PRDM16: variants seen among roughly 807,000 people sequenced by gnomAD.
PRDM16 encodes the protein PR/SET domain 16.
PRDM16 carries 23 observed loss-of-function variants against 110.6 expected under a neutral mutation model. That is an observed-to-expected ratio of 0.21 (90% CI 0.15 to 0.29). PRDM16 has a LOEUF of 0.29. Among genes scored for constraint, PRDM16 ranks in the 10% least tolerant of loss-of-function variants. PRDM16 has a pLI of 1.00. For missense variants in PRDM16, 1,615 were observed against 1,794.3 expected (o/e 0.90, Z 1.81); for synonymous variants, 799 against 781.8 (o/e 1.02, Z -0.37).
intron 3 of PRDM16, among the ~76,000 whole-genome samples, chr1:3,284,211 C>CCGA (rs1640797551): frequency 1.3e-5 from 2 of 152,208 alleles, no homozygotes; most frequent in South Asian, 4.1e-4. Context: ...CAAAGGCAAA[C>CCGA]CGACATTAAG....
intron 4 of PRDM16, 61 bp downstream of exon 4, chr1:3,385,347 C>T: frequency 1.3e-6 from 2 of 1,583,940 alleles, no homozygotes; most frequent in East Asian, 2.2e-5. Context: ...GGATGTGGCA[C>T]CAAGATTGGT....
rs1364509808 is a variant in PRDM16, at chr1:3,422,291, GCAGGCAGACAGA to G, written c.2940-3275_2940-3264del. 3.4e-4 allele frequency among the ~76,000 whole-genome samples: 51 copies of G among 149,694 alleles called. 1 individual carries two copies. Among genetic ancestry groups the G allele is most frequent in the Admixed American group, 2.4e-3 (37 of 15,106 alleles). ...GGTGGACAGACAGATGGACAGACAG[GCAGGCAGACAGA>G]CAGGCAGACAGACAAGCAGATGGAC... is the stretch of plus-strand genomic sequence containing the variant. On this transcript the variant is annotated intron_variant, in intron 12 of 16. Transcript: ENST00000270722.
In PRDM16 at chr1:3,434,468, T is replaced by A. The variant is rs1638855585; in HGVS notation, c.*657T>A. ...CTGTAGATAATGGAGAAATTTTCTA[T>A]CTCTGTCCCTATTTGTATAAGCCAA... On this transcript the variant is annotated 3_prime_UTR_variant, in exon 17 of 17. Coordinates refer to ENST00000270722, the MANE Select transcript of PRDM16 (RefSeq NM_022114.4). 1 of 231,642 alleles carries A rather than the reference T, an allele frequency of 4.3e-6. No individual in the cohort carries two copies. Among genetic ancestry groups the A allele is most frequent in the Admixed American group, 5.6e-5 (1 of 17,728 alleles). 14.3% of individuals were successfully genotyped at this position (231,642 alleles called of 1,614,324 possible). A position where few individuals can be genotyped will look rare whatever the true frequency, so the allele number is the denominator to read the frequency against.
intron 2 of PRDM16, among the ~76,000 whole-genome samples, chr1:3,227,553 G>A (rs1321927429): frequency 1.3e-5 from 2 of 152,234 alleles, no homozygotes; most frequent in African/African-American, 4.8e-5. Context: ...CAGCTGCGGC[G>A]GGGCTCTGCC....
intron 12 of PRDM16, among the ~76,000 whole-genome samples, chr1:3,421,363 G>A (rs1190870841): frequency 6.6e-6 from 1 of 152,148 alleles, no homozygotes; most frequent in Non-Finnish European, 1.5e-5. Context: ...TCCTCTCAAG[G>A]CCCTCCGCAT....
intron 1 of PRDM16, among the ~76,000 whole-genome samples, chr1:3,091,094 C>T (rs547237330): frequency 5.6e-4 from 86 of 152,216 alleles, no homozygotes; most frequent in Non-Finnish European, 1.0e-3. Flanking sequence ...TCTCTAAATG[C>T]CAAGGCGCCA....
intron 3 of PRDM16, among the ~76,000 whole-genome samples, chr1:3,335,388 T>TG (rs1180050561): frequency 6.6e-6 from 1 of 152,174 alleles, no homozygotes; most frequent in East Asian, 1.9e-4. Flanking sequence ...CCTTGGAGGA[T>TG]GGGGAACAGT....
chr1:3,285,523 CCCAGGAAGCTGTGACA>C (rs1640825385), intron 3 of PRDM16, among the ~76,000 whole-genome samples: 1 of 152,162 alleles, frequency 6.6e-6, no homozygotes, highest in Non-Finnish European at 1.5e-5. Context: ...CAGGCATGCT[CCCAGGAAGCTGTGACA>C]TGCTCGCTCG....
intron 2 of PRDM16, among the ~76,000 whole-genome samples, chr1:3,219,902 C>A (rs77144847): frequency 6.6e-6 from 1 of 152,168 alleles, no homozygotes; most frequent in Non-Finnish European, 1.5e-5. Flanking sequence ...CCCGGATCCA[C>A]GGAGCTAGCA....
At chr1:3,104,063 C>A (rs559387443) in intron 1 of PRDM16, among the ~76,000 whole-genome samples, 1 of 152,164 alleles carries the variant, frequency 6.6e-6, no homozygotes. Flanking sequence ...GCTCCTTGGC[C>A]GGGTAAAGGC....
chr1:3,363,814 AAGG>A (rs1437786947), intron 3 of PRDM16, among the ~76,000 whole-genome samples: 4 of 152,076 alleles, frequency 2.6e-5, no homozygotes, highest in African/African-American at 9.7e-5. Flanking sequence ...AAGGAGGAGG[AAGG>A]AAGGAGGAGA....
At chr1:3,314,621 G>A (rs1641555527) in intron 3 of PRDM16, among the ~76,000 whole-genome samples, 1 of 151,622 alleles carries the variant, frequency 6.6e-6, no homozygotes. Flanking sequence ...TGTCAATGAA[G>A]GAAGGCTGGG....
chr1:3,146,858 GGT>G lies in PRDM16; in HGVS notation c.38-39259_38-39258del, dbSNP rs1348951885. The stretch of plus-strand genomic sequence containing the variant: ...GTGCACACGTGTGTGCTCAGTGTGG[GGT>G]GTGTGTGCACGTGTGTTTGGTGTGG... On this transcript the variant is annotated intron_variant, in intron 1 of 16. Coordinates refer to ENST00000270722, the MANE Select transcript of PRDM16 (RefSeq NM_022114.4). Among the ~76,000 whole-genome samples the G allele has an allele frequency of 4.0e-5, 5 of 125,448 alleles. No homozygotes were observed. In the South Asian group the frequency reaches 8.6e-4, roughly 22 times the overall value. The allele number at this position is 125,448 out of a possible 152,430, so 82.3% of individuals were successfully genotyped here. A position where few individuals can be genotyped will look rare whatever the true frequency, so the allele number is the denominator to read the frequency against.
At chr1:3,404,695 G>A in intron 6 of PRDM16, 44 bp from the exon 7 acceptor site, 2 of 1,608,734 alleles carry the variant, frequency 1.2e-6, no homozygotes, top group Non-Finnish European at 1.7e-6. Flanking sequence ...CCCGGGCAGA[G>A]GGCAGGTAGT....
chr1:3,159,060 A>C (rs1452302235), intron 1 of PRDM16, among the ~76,000 whole-genome samples: 1 of 152,204 alleles, frequency 6.6e-6, no homozygotes, highest in Non-Finnish European at 1.5e-5. Flanking sequence ...TGTGGCCACC[A>C]TGCCAGGCCA....
chr1:3,154,616 G>T (rs965669501), intron 1 of PRDM16, among the ~76,000 whole-genome samples: 1 of 152,064 alleles, frequency 6.6e-6, no homozygotes, highest in African/African-American at 2.4e-5. Context: ...TGTTCTTAAG[G>T]TCCCTGCACG....
At chr1:3,098,383 G>C (rs1372113396) in intron 1 of PRDM16, among the ~76,000 whole-genome samples, 1 of 152,186 alleles carries the variant, frequency 6.6e-6, no homozygotes, top group Non-Finnish European at 1.5e-5. Context: ...GGAGTGGCGA[G>C]CTGGCAAGGG....
intron 1 of PRDM16, among the ~76,000 whole-genome samples, chr1:3,146,611 T>TGG (rs201665633): frequency 1.0e-3 from 132 of 130,768 alleles, no homozygotes; most frequent in African/African-American, 3.9e-3. Context: ...GTGCTCAGTG[T>TGG]GGGGGGTGTG....
At chr1:3,421,925 CA>C (rs1427072820) in intron 12 of PRDM16, among the ~76,000 whole-genome samples, 2 of 53,718 alleles carry the variant, frequency 3.7e-5, no homozygotes, top group Non-Finnish European at 6.1e-5. Context: ...GGAAGACAGA[CA>C]GGCAGGCAGA....
Sources: allele counts gnomAD v4.1 joint callset (sites outside exome capture counted in the v4.1 genomes callset), GRCh38; gene constraint gnomAD v4.1.1; transcripts MANE v1.5; gene names NCBI Gene and HGNC (gene_info 2026-07-23, HGNC 2026-07-21).